The following ST6GALNAC3 variants were observed in gnomAD, a reference collection of about 807,000 sequenced individuals.
ST6GALNAC3 encodes the protein alpha-N-acetylgalactosaminide alpha-2,6-sialyltransferase 3.
Under a neutral mutation model 32.7 loss-of-function variants are expected in ST6GALNAC3, and 25 were observed. The observed-to-expected ratio is 0.76, with a 90% CI of 0.56 to 1.07. The LOEUF (loss-of-function observed/expected upper bound fraction) is 1.07. Ranked by LOEUF, ST6GALNAC3 falls within the 50% of genes least tolerant of loss-of-function variation. The pLI is 0.00. For missense variants in ST6GALNAC3, 355 were observed against 382.4 expected (o/e 0.93, Z 0.60); for synonymous variants, 129 against 133.1 (o/e 0.97, Z 0.21).
rs533497917 is a variant in ST6GALNAC3, at chr1:76,318,002, A to C, written c.213+4003A>C. ...TGTGAATCTATGACAGCCTGCCCTG[A>C]AGGCCCCACATATAGTAAATTATAC... On this transcript the variant is annotated intron_variant, in intron 2 of 4. Coordinates refer to ENST00000328299, the MANE Select transcript of ST6GALNAC3 (RefSeq NM_152996.4). 3.3e-5 allele frequency among the ~76,000 whole-genome samples: 5 copies of C among 152,236 alleles called. No individual in the cohort carries two copies. In the South Asian group the frequency reaches 1.0e-3, roughly 32 times the overall value.
chr1:76,357,130 CTTTTTTT>C (rs55786044), intron 2 of ST6GALNAC3, among the ~76,000 whole-genome samples: 1 of 111,176 alleles, frequency 9.0e-6, no homozygotes, highest in African/African-American at 3.4e-5. Flanking sequence ...TTTTCTTTTT[CTTTTTTT>C]TTTTTTTTCA....
At chr1:76,518,165 A>T (rs1662287298) in intron 3 of ST6GALNAC3, among the ~76,000 whole-genome samples, 1 of 151,866 alleles carries the variant, frequency 6.6e-6, no homozygotes, top group Non-Finnish European at 1.5e-5. Flanking sequence ...TATATTTTTG[A>T]TGCATGTTGC....
At chr1:76,519,293 A>G (rs1300721274) in intron 3 of ST6GALNAC3, among the ~76,000 whole-genome samples, 1 of 152,114 alleles carries the variant, frequency 6.6e-6, no homozygotes, top group Non-Finnish European at 1.5e-5. Flanking sequence ...GATAATTTCA[A>G]TGTAAAATTC....
chr1:76,626,295 A>G (rs1648964032), intron 3 of ST6GALNAC3, among the ~76,000 whole-genome samples: 1 of 151,882 alleles, frequency 6.6e-6, no homozygotes, highest in Non-Finnish European at 1.5e-5. Flanking sequence ...TCTATATGGA[A>G]GATAGACCAT....
intron 1 of ST6GALNAC3, among the ~76,000 whole-genome samples, chr1:76,256,415 A>G (rs957793877): frequency 1.3e-5 from 2 of 152,184 alleles, no homozygotes; most frequent in East Asian, 3.9e-4. Context: ...TTATGGGGGC[A>G]AAGAGTAGCA....
intron 1 of ST6GALNAC3, among the ~76,000 whole-genome samples, chr1:76,119,409 G>A (rs1648710387): frequency 6.6e-6 from 1 of 152,184 alleles, no homozygotes; most frequent in Non-Finnish European, 1.5e-5. Flanking sequence ...CTGGACATTG[G>A]TCAGACTGCC....
intron 1 of ST6GALNAC3, among the ~76,000 whole-genome samples, chr1:76,128,854 A>G (rs751342919): frequency 6.6e-6 from 1 of 152,196 alleles, no homozygotes; most frequent in East Asian, 1.9e-4. Flanking sequence ...AGTCTAGTGG[A>G]TACACAGGTT....
chr1:76,237,924 T>A lies in ST6GALNAC3; in HGVS notation c.19-75881T>A, dbSNP rs116105231. Among the ~76,000 whole-genome samples the A allele has an allele frequency of 2.2e-3, 337 of 152,370 alleles. 3 individuals carry two copies. The highest frequency in any genetic ancestry group is 7.8e-3 in the African/African-American group (324 of 41,584). On this transcript the variant is annotated intron_variant, in intron 1 of 4. Transcript: ENST00000328299. ...ATATGAAATACTTCCTGCTTTTGAA[T>A]GAATTACATTGATGTTGATTAATGA...
At chr1:76,301,679 A>G (rs1457780464) in intron 1 of ST6GALNAC3, among the ~76,000 whole-genome samples, 1 of 151,936 alleles carries the variant, frequency 6.6e-6, no homozygotes, top group African/African-American at 2.4e-5. Context: ...TTTAACATGC[A>G]TGTTTCACTC....
At chr1:76,288,294 G>T (rs139945480) in intron 1 of ST6GALNAC3, among the ~76,000 whole-genome samples, 75 of 152,236 alleles carry the variant, frequency 4.9e-4, no homozygotes, top group Non-Finnish European at 9.3e-4. Flanking sequence ...CCAATTTTGT[G>T]TTTGTGGTCC....
At chr1:76,572,114 C>CTT (rs35323311) in intron 3 of ST6GALNAC3, among the ~76,000 whole-genome samples, 6 of 151,758 alleles carry the variant, frequency 4.0e-5, no homozygotes, top group African/African-American at 1.5e-4. Flanking sequence ...GCTATCATTC[C>CTT]TTTTTTTTCC....
At chr1:76,192,103 C>G (rs1557685479) in intron 1 of ST6GALNAC3, among the ~76,000 whole-genome samples, 2 of 151,986 alleles carry the variant, frequency 1.3e-5, no homozygotes, top group East Asian at 3.9e-4. Flanking sequence ...AAGAAGTACC[C>G]AACATTGATG....
intron 1 of ST6GALNAC3, among the ~76,000 whole-genome samples, chr1:76,300,666 A>G (rs765196705): frequency 6.6e-6 from 1 of 152,054 alleles, no homozygotes; most frequent in African/African-American, 2.4e-5. Context: ...CTGAAGTTGC[A>G]TCCTGATTCA....
At chr1:76,527,400 T>A (rs1662979130) in intron 3 of ST6GALNAC3, among the ~76,000 whole-genome samples, 1 of 151,970 alleles carries the variant, frequency 6.6e-6, no homozygotes, top group African/African-American at 2.4e-5. Flanking sequence ...TTTGGAAAAA[T>A]TTTCTCCCCT....
chr1:76,276,684 A>G (rs1659152127), intron 1 of ST6GALNAC3, among the ~76,000 whole-genome samples: 1 of 152,168 alleles, frequency 6.6e-6, no homozygotes. Flanking sequence ...ATACATATAT[A>G]AGAATGGCAT....
At chr1:76,076,897 A>G (rs1171863333) in intron 1 of ST6GALNAC3, among the ~76,000 whole-genome samples, 1 of 152,196 alleles carries the variant, frequency 6.6e-6, no homozygotes, top group Non-Finnish European at 1.5e-5. Context: ...TTAGACCCAG[A>G]TATGTCAACC....
intron 3 of ST6GALNAC3, among the ~76,000 whole-genome samples, chr1:76,596,459 G>A (rs1371913902): frequency 6.6e-6 from 1 of 152,158 alleles, no homozygotes; most frequent in Non-Finnish European, 1.5e-5. Context: ...AAGATATAAA[G>A]TGTAGTTTAG....
intron 1 of ST6GALNAC3, among the ~76,000 whole-genome samples, chr1:76,096,356 T>G (rs945916381): frequency 3.5e-4 from 54 of 152,298 alleles, no homozygotes; most frequent in African/African-American, 1.3e-3. Context: ...AGGCTTCCTG[T>G]CTTTTCAGCA....
intron 3 of ST6GALNAC3, chr1:76,577,009 A>G (rs1646821260): frequency 2.5e-6 from 3 of 1,204,620 alleles, no homozygotes; most frequent in Non-Finnish European, 3.2e-6. Context: ...CAGTGGTTCA[A>G]AGATTAAGAT....
Sources: gnomAD v4.1 joint callset for allele counts (sites outside exome capture counted in the v4.1 genomes callset) on GRCh38, gnomAD v4.1.1 for gene constraint, MANE v1.5 for transcripts, NCBI Gene and HGNC (gene_info 2026-07-23, HGNC 2026-07-21) for gene names.